The following CEP70 variants were observed in gnomAD, a reference collection of about 807,000 sequenced individuals.
The protein encoded by CEP70 is centrosomal protein 70, also known as centrosomal protein of 70 kDa.
In CEP70, 70 loss-of-function variants were observed where a neutral mutation model predicts 90.9. The observed-to-expected ratio is 0.77, with a 90% CI of 0.64 to 0.94. The LOEUF is 0.94. Among genes scored for constraint, CEP70 ranks in the 40% least tolerant of loss-of-function variants. CEP70 has a pLI of 0.00. For missense variants in CEP70, 648 were observed against 669.0 expected (o/e 0.97, Z 0.35); for synonymous variants, 220 against 228.3 (o/e 0.96, Z 0.33).
At chr3:138,523,967 T>G (rs1416051262) in intron 11 of CEP70, among the ~76,000 whole-genome samples, 2 of 148,514 alleles carry the variant, frequency 1.3e-5, no homozygotes, top group Non-Finnish European at 3.0e-5. Context: ...CTACCTGACT[T>G]CAAACTATAC....
intron 11 of CEP70, among the ~76,000 whole-genome samples, chr3:138,512,813 G>A (rs2035649777): frequency 6.6e-6 from 1 of 152,132 alleles, no homozygotes; most frequent in South Asian, 2.1e-4. Context: ...TAAGATCCAT[G>A]CTGGAGATCA....
chr3:138,540,383 C>T (rs1239939863), intron 6 of CEP70, among the ~76,000 whole-genome samples: 3 of 151,206 alleles, frequency 2.0e-5, no homozygotes, highest in Admixed American at 6.6e-5. Context: ...CCCAGCTACT[C>T]AGGAGGCTGA....
In CEP70 at chr3:138,566,160, A is replaced by T. The variant is rs534771677; in HGVS notation, c.465+4158T>A. On this transcript the variant is annotated intron_variant, in intron 6 of 17. Transcript: ENST00000264982. ...CATGCCATTTAGAATGGCGATCATT[A>T]AAAAGTCAGAAAATAACAGATGCCG... 6.6e-5 allele frequency among the ~76,000 whole-genome samples: 10 copies of T among 152,362 alleles called. No individual in the cohort carries two copies. The East Asian group carries it at 1.2e-3, about 18-fold the overall frequency.
At chr3:138,519,922 T>C (rs2036446462) in intron 11 of CEP70, among the ~76,000 whole-genome samples, 2 of 152,164 alleles carry the variant, frequency 1.3e-5, no homozygotes, top group Non-Finnish European at 2.9e-5. Context: ...ATCAGTGTGC[T>C]GTATTCAGGA....
intron 6 of CEP70, among the ~76,000 whole-genome samples, chr3:138,546,680 T>G (rs957438078): frequency 6.6e-6 from 1 of 152,050 alleles, no homozygotes; most frequent in African/African-American, 2.4e-5. Flanking sequence ...ACCCAGCAGG[T>G]GGAGGTTGCA....
intron 12 of CEP70, 27 bp from the exon 13 acceptor site, chr3:138,505,492 C>A: frequency 6.8e-7 from 1 of 1,469,684 alleles, no homozygotes; most frequent in South Asian, 1.5e-5. Context: ...TGTATATAGT[C>A]AAAATATTTA....
chr3:138,576,852 A>G (rs569958139), intron 2 of CEP70, among the ~76,000 whole-genome samples: 4 of 152,316 alleles, frequency 2.6e-5, no homozygotes, highest in East Asian at 1.9e-4. Flanking sequence ...CTGAATGACT[A>G]CTGTGTAAAT....
intron 2 of CEP70, among the ~76,000 whole-genome samples, chr3:138,583,819 A>C (rs558306523): frequency 6.6e-6 from 1 of 152,158 alleles, no homozygotes. Flanking sequence ...GTACTGAGAG[A>C]AATTTATAGC....
intron 2 of CEP70, among the ~76,000 whole-genome samples, chr3:138,589,087 G>C (rs936047557): frequency 6.6e-6 from 1 of 152,178 alleles, no homozygotes; most frequent in Non-Finnish European, 1.5e-5. Flanking sequence ...CTACTAACGA[G>C]AACAAGGGAA....
intron 7 of CEP70, 154 bp downstream of exon 7, chr3:138,537,024 A>C (rs1006968631): frequency 7.2e-6 from 3 of 414,514 alleles, no homozygotes; most frequent in African/African-American, 2.1e-5. Context: ...AAAAAAGAAC[A>C]GGATGAGCAG....
rs772444973 is a variant in CEP70 at position 138,505,322 on chromosome 3, C to T, written c.1194G>A (p.Met398Ile). The change falls in exon 13 of 18, where the codon ATG becomes ATA. Residue 398 changes from methionine (M) to isoleucine (I), a missense_variant. Met to Ile is a conservative substitution (Grantham distance 10). Coordinates refer to ENST00000264982, the MANE Select transcript of CEP70 (RefSeq NM_024491.4). ...TTAAGGATGTCAGTTGATCTGCCCA[C>T]ATTTCTATTACAGGAACAAGATGCT... ...GFEHLVPVIE[M>I]WADQLTSLKD... 2.5e-6 allele frequency: 4 copies of T among 1,611,140 alleles called. No individual in the cohort carries two copies. The highest frequency in any genetic ancestry group is 3.4e-6 in the Non-Finnish European group (4 of 1,178,874).
chr3:138,520,551 A>G (rs1487056624), intron 11 of CEP70, among the ~76,000 whole-genome samples: 5 of 152,168 alleles, frequency 3.3e-5, no homozygotes, highest in Non-Finnish European at 7.4e-5. Context: ...ACTCAACTAC[A>G]TGGAAACTGA....
At chr3:138,530,334 G>C (rs144108556) in intron 8 of CEP70, among the ~76,000 whole-genome samples, 1 of 152,108 alleles carries the variant, frequency 6.6e-6, no homozygotes, top group African/African-American at 2.4e-5. Context: ...TTTAACTATT[G>C]TATCACATAA....
At chr3:138,499,448 T>C (rs370052538) in intron 16 of CEP70, among the ~76,000 whole-genome samples, 3 of 152,364 alleles carry the variant, frequency 2.0e-5, no homozygotes, top group East Asian at 3.9e-4. Flanking sequence ...CTTATTGATA[T>C]AATCAGAACT....
At chr3:138,515,763 G>C (rs9853998) in intron 11 of CEP70, among the ~76,000 whole-genome samples, 1 of 151,958 alleles carries the variant, frequency 6.6e-6, no homozygotes, top group African/African-American at 2.4e-5. Flanking sequence ...ACATGTGTAC[G>C]TGTGTGTGTG....
chr3:138,558,085 C>A (rs1027269185), intron 6 of CEP70, among the ~76,000 whole-genome samples: 1 of 152,136 alleles, frequency 6.6e-6, no homozygotes, highest in Non-Finnish European at 1.5e-5. Context: ...AGAAAACTGG[C>A]CAGGCACAGT....
chr3:138,553,524 C>T (rs1007263935), intron 6 of CEP70, among the ~76,000 whole-genome samples: 2 of 151,556 alleles, frequency 1.3e-5, no homozygotes, highest in Admixed American at 1.3e-4. Context: ...AGATTGACAG[C>T]TGAATTCTAC....
At chr3:138,503,491 C>T (rs1333023570) in intron 13 of CEP70, among the ~76,000 whole-genome samples, 1 of 152,114 alleles carries the variant, frequency 6.6e-6, no homozygotes, top group Non-Finnish European at 1.5e-5. Flanking sequence ...ATGGTTGTCC[C>T]AAACTTAGAG....
chr3:138,560,760 C>T (rs1030611289), intron 6 of CEP70, among the ~76,000 whole-genome samples: 3 of 152,080 alleles, frequency 2.0e-5, no homozygotes, highest in Non-Finnish European at 2.9e-5. Flanking sequence ...CCCAGAAGTT[C>T]GAACTAGATG....
Sources: allele counts gnomAD v4.1 joint callset (sites outside exome capture counted in the v4.1 genomes callset), GRCh38; gene constraint gnomAD v4.1.1; transcripts MANE v1.5; gene names NCBI Gene and HGNC (gene_info 2026-07-23, HGNC 2026-07-21).